Variants in ST6GALNAC3 observed in about 807,000 individuals in gnomAD.
The protein encoded by ST6GALNAC3 is ST6 N-acetylgalactosaminide alpha-2,6-sialyltransferase 3.
In ST6GALNAC3, 25 loss-of-function variants were observed where a neutral mutation model predicts 32.7. The ratio of observed to expected loss-of-function variants is 0.76; its 90% CI spans 0.56 to 1.07. The LOEUF (loss-of-function observed/expected upper bound fraction) is 1.07. Ranked by LOEUF, ST6GALNAC3 falls within the 50% of genes least tolerant of loss-of-function variation. The pLI, the probability that ST6GALNAC3 is intolerant of heterozygous loss-of-function variation, is 0.00. For synonymous variants in ST6GALNAC3, 129 were observed against 133.1 expected, an observed-to-expected ratio of 0.97 and a Z score of 0.21; for missense variants, 355 against 382.4, an observed-to-expected ratio of 0.93 and a Z score of 0.60.
chr1:76,611,414 A>G (rs1647925269), intron 3 of ST6GALNAC3, among the ~76,000 whole-genome samples: 1 of 152,192 alleles, frequency 6.6e-6, no homozygotes, highest in Non-Finnish European at 1.5e-5. Flanking sequence ...ACAAAAAAAG[A>G]AACTGCTAAG....
intron 3 of ST6GALNAC3, among the ~76,000 whole-genome samples, chr1:76,602,168 G>A (rs554970835): frequency 6.6e-6 from 1 of 152,176 alleles, no homozygotes; most frequent in African/African-American, 2.4e-5. Context: ...GCTTGGTTAA[G>A]GATTGCATGT....
In ST6GALNAC3 at chr1:76,210,915, T is replaced by G. The variant is rs139682854; in HGVS notation, c.19-102890T>G. 2.8e-3 allele frequency among the ~76,000 whole-genome samples: 427 copies of G among 152,158 alleles called. 1 individual carries two copies. Among genetic ancestry groups the G allele is most frequent in the African/African-American group, 9.6e-3 (400 of 41,516 alleles). ...GCACCTGTCACCACACCTGGCTAAT[T>G]TTTGTATTTTTAGTAGAGACAGGAT... is the stretch of plus-strand genomic sequence containing the variant. On this transcript the variant is annotated intron_variant, in intron 1 of 4. Transcript: ENST00000328299.
At chr1:76,406,173 A>G (rs1418128380) in intron 2 of ST6GALNAC3, among the ~76,000 whole-genome samples, 1 of 152,094 alleles carries the variant, frequency 6.6e-6, no homozygotes, top group African/African-American at 2.4e-5. Context: ...GAGAAGAGCC[A>G]TTCATGAGTT....
In ST6GALNAC3 at chr1:76,258,391, G is replaced by A. The variant is rs1407314511; in HGVS notation, c.19-55414G>A. 2.0e-5 allele frequency among the ~76,000 whole-genome samples: 3 copies of A among 152,242 alleles called. No individual in the cohort carries two copies. In the East Asian group the frequency reaches 5.8e-4, roughly 29 times the overall value. ...AGGCCAAATATCTTCATCAAATACTGCTTCTTCAGATCTTTGCTTCCTCAG... is the reference window on the plus strand; with the variant it reads ...AGGCCAAATATCTTCATCAAATACTACTTCTTCAGATCTTTGCTTCCTCAG... On this transcript the variant is annotated intron_variant, in intron 1 of 4. Transcript: ENST00000328299.
chr1:76,151,503 C>T (rs936289158), intron 1 of ST6GALNAC3, among the ~76,000 whole-genome samples: 2 of 152,058 alleles, frequency 1.3e-5, no homozygotes, highest in African/African-American at 4.8e-5. Flanking sequence ...GGAGATGATC[C>T]CAGGAAACTT....
chr1:76,217,586 A>G (rs116831872), intron 1 of ST6GALNAC3, among the ~76,000 whole-genome samples: 2,200 of 152,198 alleles, frequency 0.014, 22 homozygotes, highest in Middle Eastern at 0.044. Flanking sequence ...CTTCTTTAGT[A>G]GTGATTTCTG....
At chr1:76,393,849 G>A (rs987517569) in intron 2 of ST6GALNAC3, among the ~76,000 whole-genome samples, 1 of 152,156 alleles carries the variant, frequency 6.6e-6, no homozygotes, top group African/African-American at 2.4e-5. Flanking sequence ...AGGAGTGATG[G>A]TTGTGAGGAT....
intron 1 of ST6GALNAC3, among the ~76,000 whole-genome samples, chr1:76,126,673 C>G (rs1649275338): frequency 6.6e-6 from 1 of 152,138 alleles, no homozygotes; most frequent in African/African-American, 2.4e-5. Flanking sequence ...TCCCAGCTCT[C>G]CCTTTATGCT....
chr1:76,398,626 A>G (rs1375833020), intron 2 of ST6GALNAC3, among the ~76,000 whole-genome samples: 1 of 152,196 alleles, frequency 6.6e-6, no homozygotes, highest in Non-Finnish European at 1.5e-5. Flanking sequence ...CACAAGTATC[A>G]TAAAAATTTG....
intron 1 of ST6GALNAC3, among the ~76,000 whole-genome samples, chr1:76,170,713 A>T (rs1426733632): frequency 6.6e-6 from 1 of 152,184 alleles, no homozygotes; most frequent in Non-Finnish European, 1.5e-5. Flanking sequence ...ACTGTGAATA[A>T]GTATTGGGGG....
intron 1 of ST6GALNAC3, among the ~76,000 whole-genome samples, chr1:76,219,606 C>T (rs972113032): frequency 1.4e-4 from 22 of 152,116 alleles, no homozygotes; most frequent in African/African-American, 4.3e-4. Context: ...ATTTTCCTGG[C>T]GATCAGGGGC....
rs1202803793 is a variant in ST6GALNAC3, at chr1:76,206,730, T to TA, written c.19-107063dup. 8.5e-3 allele frequency among the ~76,000 whole-genome samples: 1,236 copies of TA among 144,900 alleles called. 12 individuals are homozygous for TA. The highest frequency in any genetic ancestry group is 0.028 in the African/African-American group (1,111 of 39,670). ...CCTGGCGATAGAGCGAGACTCTGTC[T>TA]AAAAAAAAAAAATGCTGTCGTTAGA... On this transcript the variant is annotated intron_variant, in intron 1 of 4. Coordinates refer to ENST00000328299, the MANE Select transcript of ST6GALNAC3 (RefSeq NM_152996.4).
intron 2 of ST6GALNAC3, among the ~76,000 whole-genome samples, chr1:76,409,421 A>G (rs1053100250): frequency 1.3e-5 from 2 of 152,140 alleles, no homozygotes; most frequent in Admixed American, 1.3e-4. Context: ...GGCACATTTT[A>G]TAGGAGTACA....
At chr1:76,388,647 G>A (rs1261401327) in intron 2 of ST6GALNAC3, among the ~76,000 whole-genome samples, 4 of 152,008 alleles carry the variant, frequency 2.6e-5, no homozygotes, top group Admixed American at 6.6e-5. Flanking sequence ...AGCCACCTCC[G>A]TAATATCCAC....
intron 2 of ST6GALNAC3, among the ~76,000 whole-genome samples, chr1:76,348,560 T>C (rs1311265179): frequency 6.6e-6 from 1 of 152,188 alleles, no homozygotes; most frequent in African/African-American, 2.4e-5. Flanking sequence ...ATTGAAATTT[T>C]CATTGTATGA....
chr1:76,413,576 C>T (rs1654416858), intron 3 of ST6GALNAC3, among the ~76,000 whole-genome samples: 1 of 152,136 alleles, frequency 6.6e-6, no homozygotes, highest in African/African-American at 2.4e-5. Context: ...GATCAACTCT[C>T]CTTTGGTAAT....
At chr1:76,525,907 A>C (rs1662885330) in intron 3 of ST6GALNAC3, among the ~76,000 whole-genome samples, 1 of 148,932 alleles carries the variant, frequency 6.7e-6, no homozygotes, top group Non-Finnish European at 1.5e-5. Context: ...AATGCTTCAG[A>C]TGGACACCTC....
chr1:76,140,830 G>T (rs1444110079), intron 1 of ST6GALNAC3, among the ~76,000 whole-genome samples: 1 of 145,046 alleles, frequency 6.9e-6, no homozygotes, highest in Non-Finnish European at 1.5e-5. Flanking sequence ...TGGTATAGAG[G>T]GTCTTGCTAA....
At chr1:76,168,149 G>A (rs1652244368) in intron 1 of ST6GALNAC3, among the ~76,000 whole-genome samples, 1 of 152,046 alleles carries the variant, frequency 6.6e-6, no homozygotes, top group Non-Finnish European at 1.5e-5. Context: ...TCTTAATACT[G>A]CCTTAGTTGT....
Sources: gnomAD v4.1 joint callset for allele counts (sites outside exome capture counted in the v4.1 genomes callset) on GRCh38, gnomAD v4.1.1 for gene constraint, MANE v1.5 for transcripts, NCBI Gene and HGNC (gene_info 2026-07-23, HGNC 2026-07-21) for gene names.